DYRK1A: variants seen among roughly 807,000 people sequenced by gnomAD.
The protein encoded by DYRK1A is dual specificity tyrosine phosphorylation regulated kinase 1A, also known as dual specificity tyrosine-phosphorylation-regulated kinase 1A.
A neutral mutation model predicts 79.7 loss-of-function variants in DYRK1A; 9 were observed. The ratio of observed to expected loss-of-function variants is 0.11; its 90% CI spans 0.07 to 0.20. The LOEUF (loss-of-function observed/expected upper bound fraction) is 0.20, where lower values mean the gene tolerates loss of function less well. Ranked by LOEUF, DYRK1A falls within the 10% of genes least tolerant of loss-of-function variation. The pLI, the probability that DYRK1A is intolerant of heterozygous loss-of-function variation, is 1.00. For missense variants in DYRK1A, 622 were observed against 956.0 expected, an observed-to-expected ratio of 0.65 and a Z score of 4.61; for synonymous variants, 349 against 329.7, an observed-to-expected ratio of 1.06 and a Z score of -0.63.
chr21:37,481,865 A>T (rs931634849), intron 5 of DYRK1A, among the ~76,000 whole-genome samples: 4 of 151,918 alleles, frequency 2.6e-5, no homozygotes, highest in African/African-American at 9.7e-5. Context: ...AAAAAATGTT[A>T]GGGGGATCTC....
rs747907599 is a variant in DYRK1A at position 37,472,844 on chromosome 21, A to G, written c.171A>G (p.Ser57=). The part of the protein sequence containing the change: ...NISDQQVSAL[S]YSDQIQQPLT... ...GTGACCAACAGGTTTCTGCCTTATC[A>G]TATTCTGACCAGATTCAGCAACCTC... Residue 57 remains serine (S), a synonymous_variant, in exon 3 of 12, where the codon TCA becomes TCG. Coordinates refer to ENST00000647188, the MANE Select transcript of DYRK1A (RefSeq NM_001347721.2). 1.2e-6 allele frequency: 2 copies of G among 1,602,680 alleles called. No individual in the cohort carries two copies. The highest frequency in any genetic ancestry group is 1.1e-5 in the South Asian group (1 of 89,826).
chr21:37,430,057 A>C (rs1349948773), intron 2 of DYRK1A, among the ~76,000 whole-genome samples: 1 of 152,132 alleles, frequency 6.6e-6, no homozygotes, highest in Non-Finnish European at 1.5e-5. Flanking sequence ...ATTATTATTA[A>C]AATTTTATAA....
chr21:37,474,601 A>G (rs1449283642), intron 3 of DYRK1A, among the ~76,000 whole-genome samples: 1 of 152,164 alleles, frequency 6.6e-6, no homozygotes, highest in African/African-American at 2.4e-5. Context: ...GAGTTAGGTT[A>G]TTTGTACCCT....
intron 2 of DYRK1A, among the ~76,000 whole-genome samples, chr21:37,427,630 C>G (rs995340268): frequency 2.0e-5 from 3 of 152,034 alleles, no homozygotes; most frequent in Non-Finnish European, 4.4e-5. Context: ...GCCTTAGGTT[C>G]AATTCCTAGA....
Position 37,525,351 on chromosome 21 carries a change from A to G in DYRK1A, c.*12820A>G, listed in dbSNP as rs1409448169. The stretch of plus-strand genomic sequence containing the variant: ...CCAAGGCAAGTCTTAGGTGGCGGCA[A>G]GCAAGAGAGTGTGTGCAGGGGAACT... On this transcript the variant is annotated 3_prime_UTR_variant, in exon 12 of 12. Coordinates refer to ENST00000647188, the MANE Select transcript of DYRK1A (RefSeq NM_001347721.2). 6.6e-6 allele frequency: 1 copy of G among 152,278 alleles called. No individual in the cohort carries two copies. The highest frequency in any genetic ancestry group is 2.4e-5 in the African/African-American group (1 of 41,476). 9.4% of individuals were successfully genotyped at this position (152,278 alleles called of 1,614,324 possible).
At chr21:37,377,218 T>C (rs2049563434) in intron 1 of DYRK1A, among the ~76,000 whole-genome samples, 1 of 152,046 alleles carries the variant, frequency 6.6e-6, no homozygotes, top group South Asian at 2.1e-4. Context: ...CTCCTGGGTT[T>C]ACGCCATTCT....
intron 2 of DYRK1A, among the ~76,000 whole-genome samples, chr21:37,471,890 A>G (rs1044332768): frequency 3.3e-5 from 5 of 152,230 alleles, no homozygotes; most frequent in African/African-American, 1.2e-4. Flanking sequence ...GTGATTACAA[A>G]TTTGGCTGAA....
chr21:37,416,151 C>G (rs1420005019), intron 1 of DYRK1A, among the ~76,000 whole-genome samples: 1 of 152,200 alleles, frequency 6.6e-6, no homozygotes, highest in East Asian at 1.9e-4. Context: ...GTAACACTAC[C>G]TACTCGTAGG....
intron 2 of DYRK1A, among the ~76,000 whole-genome samples, chr21:37,443,776 TTC>T (rs2051180476): frequency 6.6e-6 from 1 of 152,198 alleles, no homozygotes; most frequent in Admixed American, 6.5e-5. Flanking sequence ...TTTGCCTTCT[TTC>T]TCACACGGTG....
At position 37,366,947 on chromosome 21, in the gene DYRK1A, G is replaced by T; in HGVS notation, c.-758G>T. ...GCTGCTGCTGATCGCGGCCCAGGTC[G>T]GCCTCAGAGAGCGGACACCCCGAGC... On this transcript the variant is annotated 5_prime_UTR_variant, in exon 1 of 12. Coordinates refer to ENST00000647188, the MANE Select transcript of DYRK1A (RefSeq NM_001347721.2). 6.4e-6 allele frequency: 1 copy of T among 156,346 alleles called. No homozygotes were observed. The highest frequency in any genetic ancestry group is 1.5e-4 in the South Asian group (1 of 6,592). The allele number at this position is 156,346 out of a possible 1,614,324, so 9.7% of individuals were successfully genotyped here. A position where few individuals can be genotyped will look rare whatever the true frequency, so the allele number is the denominator to read the frequency against.
intron 2 of DYRK1A, among the ~76,000 whole-genome samples, chr21:37,422,964 G>T (rs994945200): frequency 2.0e-5 from 3 of 152,074 alleles, no homozygotes; most frequent in Non-Finnish European, 2.9e-5. Context: ...AGTACATTTG[G>T]ATTTTCTTTT....
chr21:37,409,478 A>G (rs1467422817), intron 1 of DYRK1A, among the ~76,000 whole-genome samples: 4 of 152,146 alleles, frequency 2.6e-5, no homozygotes, highest in Non-Finnish European at 5.9e-5. Flanking sequence ...TTAAAAACAA[A>G]TATATTTGTC....
intron 2 of DYRK1A, among the ~76,000 whole-genome samples, chr21:37,420,966 T>C (rs1401122869): frequency 2.0e-5 from 3 of 152,144 alleles, no homozygotes; most frequent in Non-Finnish European, 4.4e-5. Flanking sequence ...TTTGAAAGAA[T>C]ATTTTTTGAT....
intron 6 of DYRK1A, chr21:37,487,570 C>G (rs968700668): frequency 6.6e-6 from 1 of 152,138 alleles, no homozygotes; most frequent in African/African-American, 2.4e-5. Flanking sequence ...GCCATAGTCA[C>G]TTGTGTTCAG....
At chr21:37,496,532 T>C (rs1441268608) in intron 9 of DYRK1A, among the ~76,000 whole-genome samples, 2 of 152,214 alleles carry the variant, frequency 1.3e-5, no homozygotes, top group African/African-American at 2.4e-5. Flanking sequence ...ATCACCATAC[T>C]TGGTTTCAAC....
In DYRK1A at chr21:37,512,034, C is replaced by T; in HGVS notation, c.1768C>T (p.His590Tyr). The change falls in exon 12 of 12, where the codon CAT becomes TAT. Residue 590 changes from histidine to tyrosine, a missense_variant. Physicochemically the swap from His to Tyr is moderately conservative, Grantham distance 83. Transcript: ENST00000647188. ...TGTAGCCCCTCAACAGAATGCATTG[C>T]ATCATCACCATGGTAACAGTTCCCA... is the stretch of plus-strand genomic sequence containing the variant. ...FHVAPQQNAL[H>Y]HHHGNSSHHH... The T allele has an allele frequency of 6.2e-7, 1 of 1,614,146 alleles. No homozygotes were observed.
chr21:37,496,032 A>C (rs1014214279), intron 8 of DYRK1A, 86 bp from the exon 9 acceptor site: 2 of 1,360,288 alleles, frequency 1.5e-6, no homozygotes, highest in East Asian at 2.3e-5. Context: ...GGAGGTGTGC[A>C]ATTTATTTAT....
At chr21:37,374,257 G>A (rs1173626241) in intron 1 of DYRK1A, among the ~76,000 whole-genome samples, 4 of 151,194 alleles carry the variant, frequency 2.6e-5, no homozygotes, top group Non-Finnish European at 5.9e-5. Flanking sequence ...AATAACACTC[G>A]CATGTTGTCA....
At chr21:37,508,434 C>T (rs919225156) in intron 11 of DYRK1A, among the ~76,000 whole-genome samples, 14 of 152,098 alleles carry the variant, frequency 9.2e-5, no homozygotes. Flanking sequence ...ATTACAGACG[C>T]ACATCACCAT....
Sources: allele counts gnomAD v4.1 joint callset (sites outside exome capture counted in the v4.1 genomes callset), GRCh38; gene constraint gnomAD v4.1.1; transcripts MANE v1.5; gene names NCBI Gene and HGNC (gene_info 2026-07-23, HGNC 2026-07-21).